Variants in GALNT11 observed in about 807,000 individuals in gnomAD.
GALNT11 encodes polypeptide N-acetylgalactosaminyltransferase 11, also known as UDP-GalNAc:polypeptide N-acetylgalactosaminyltransferase 11.
A neutral mutation model predicts 72.7 loss-of-function variants in GALNT11; 47 were observed. The ratio of observed to expected loss-of-function variants is 0.65; its 90% confidence interval spans 0.51 to 0.82. The LOEUF (loss-of-function observed/expected upper bound fraction) is 0.82, where lower values mean the gene tolerates loss of function less well. Among genes scored for constraint, GALNT11 ranks in the 40% least tolerant of loss-of-function variants. GALNT11 has a pLI of 0.00. For synonymous variants in GALNT11, 270 were observed against 286.6 expected, an observed-to-expected ratio of 0.94 and a Z score of 0.58; for missense variants, 677 against 778.4, an observed-to-expected ratio of 0.87 and a Z score of 1.55.
At chr7:152,044,677 T>G (rs1196036050) in intron 1 of GALNT11, among the ~76,000 whole-genome samples, 1 of 152,198 alleles carries the variant, frequency 6.6e-6, no homozygotes, top group Non-Finnish European at 1.5e-5. Flanking sequence ...TCAGTTCTAA[T>G]AGTTTTTTGG....
intron 1 of GALNT11, among the ~76,000 whole-genome samples, chr7:152,052,226 AT>A (rs1358875144): frequency 1.3e-5 from 2 of 152,096 alleles, no homozygotes; most frequent in Non-Finnish European, 2.9e-5. Context: ...CATTGTGTGT[AT>A]ATATCACAGT....
At chr7:152,090,569 T>C (rs1316927641) in intron 1 of GALNT11, among the ~76,000 whole-genome samples, 1 of 152,358 alleles carries the variant, frequency 6.6e-6, no homozygotes, top group East Asian at 1.9e-4. Flanking sequence ...GTTTTTAGTG[T>C]ACTTGTCTTG....
intron 1 of GALNT11, among the ~76,000 whole-genome samples, chr7:152,074,774 G>A (rs964868090): frequency 1.3e-5 from 2 of 152,138 alleles, no homozygotes; most frequent in African/African-American, 2.4e-5. Flanking sequence ...TTTCTCTAGC[G>A]TTAGAGCTCT....
At position 152,117,205 on chromosome 7, in the gene GALNT11, AAT is replaced by A; in HGVS notation, c.1285_1286del (p.Ile429GlnfsTer2). 1 of 1,614,126 alleles carries A rather than the reference AAT, an allele frequency of 6.2e-7. No homozygotes were observed. Among genetic ancestry groups the A allele is most frequent in the Non-Finnish European group, 8.5e-7 (1 of 1,180,018 alleles). ...RPDLKTKSYG[N>X]ISERVELRKK... ...TGACCTGAAGACGAAAAGCTATGGCAATATCAGTGAGCGTGTGGAACTGAGAA... is the reference window on the plus strand; with the variant it reads ...TGACCTGAAGACGAAAAGCTATGGCAATCAGTGAGCGTGTGGAACTGAGAA... On this transcript the variant is annotated frameshift_variant, in exon 9 of 12. Coordinates refer to ENST00000430044, the MANE Select transcript of GALNT11 (RefSeq NM_022087.4). LOFTEE classifies it high-confidence loss of function.
At chr7:152,099,259 T>C (rs547600672) in intron 2 of GALNT11, among the ~76,000 whole-genome samples, 1 of 152,200 alleles carries the variant, frequency 6.6e-6, no homozygotes, top group East Asian at 1.9e-4. Flanking sequence ...CTGCATTCTA[T>C]ATCTCAACCC....
chr7:152,043,761 A>G (rs1217253495), intron 1 of GALNT11, among the ~76,000 whole-genome samples: 1 of 152,100 alleles, frequency 6.6e-6, no homozygotes, highest in East Asian at 1.9e-4. Context: ...AAGGGTAGGG[A>G]TGAACCTCTC....
In GALNT11 at chr7:152,058,032, G is replaced by A. The variant is rs116741498; in HGVS notation, c.-39+32148G>A. On this transcript the variant is annotated intron_variant, in intron 1 of 11. Coordinates refer to ENST00000430044, the MANE Select transcript of GALNT11 (RefSeq NM_022087.4). ...CATATGCTGGTGATACTGTGGGTTC[G>A]GTTCTGAGCCACTGCAATAAAGGGA... Among the ~76,000 whole-genome samples, 1,061 of 152,112 alleles carry A rather than the reference G, an allele frequency of 7.0e-3. 10 individuals carry two copies. Among genetic ancestry groups the A allele is most frequent in the African/African-American group, 0.024 (1,011 of 41,500 alleles).
Position 152,121,895 on chromosome 7 carries a change from G to T in GALNT11, c.*218G>T. ...CACGGGTGAAGAAGTGAGTGTCCAC[G>T]GGTGAAGAAGTGAGTATGTTTCACC... is the stretch of plus-strand genomic sequence containing the variant. On this transcript the variant is annotated 3_prime_UTR_variant, in exon 12 of 12. Coordinates refer to ENST00000430044, the MANE Select transcript of GALNT11 (RefSeq NM_022087.4). 1 of 488,272 alleles carries T rather than the reference G, an allele frequency of 2.0e-6. No individual in the cohort carries two copies. Among genetic ancestry groups the T allele is most frequent in the Non-Finnish European group, 3.6e-6 (1 of 279,140 alleles). 30.2% of individuals were successfully genotyped at this position (488,272 alleles called of 1,614,324 possible).
chr7:152,101,252 G>T (rs527986062), intron 3 of GALNT11, among the ~76,000 whole-genome samples: 2 of 148,240 alleles, frequency 1.3e-5, no homozygotes, highest in East Asian at 2.0e-4. Flanking sequence ...CATCAGTGAA[G>T]AATTTTACTC....
chr7:152,118,778 A>G lies in GALNT11; in HGVS notation c.1553A>G (p.Asn518Ser). 6.2e-7 allele frequency: 1 copy of G among 1,602,602 alleles called. No individual in the cohort carries two copies. Among genetic ancestry groups the G allele is most frequent in the Non-Finnish European group, 8.5e-7 (1 of 1,176,826 alleles). The change falls in exon 10 of 12, where the codon AAT becomes AGT. Residue 518 changes from asparagine to serine, a missense_variant. Coordinates refer to ENST00000430044, the MANE Select transcript of GALNT11 (RefSeq NM_022087.4). ...VLKACDYSDP[N>S]QIWIYNEEHE... ...AAGGCCTGTGACTACAGTGACCCAA[A>G]TCAGGTGAGTGACACCTCGGGGCTC...
At chr7:152,052,861 A>G (rs184781700) in intron 1 of GALNT11, among the ~76,000 whole-genome samples, 107 of 152,310 alleles carry the variant, frequency 7.0e-4, no homozygotes, top group Non-Finnish European at 1.8e-4. Context: ...CTCAAATGTG[A>G]CATGTCTAAA....
chr7:152,058,590 C>A (rs576168454), intron 1 of GALNT11, among the ~76,000 whole-genome samples: 1 of 152,166 alleles, frequency 6.6e-6, no homozygotes, highest in East Asian at 1.9e-4. Context: ...CCTGTCTCGG[C>A]CTCCCAAACT....
chr7:152,093,574 G>A (rs977880076), intron 1 of GALNT11, among the ~76,000 whole-genome samples: 4 of 151,640 alleles, frequency 2.6e-5, no homozygotes, highest in South Asian at 2.1e-4. Flanking sequence ...TATTATAGGC[G>A]CCCACCACAA....
intron 5 of GALNT11, chr7:152,107,399 AGAAAG>A (rs2087688749): frequency 6.6e-6 from 1 of 152,142 alleles, no homozygotes; most frequent in Non-Finnish European, 1.5e-5. Flanking sequence ...GGGGGGCAGT[AGAAAG>A]GAAAGGTGGG....
At chr7:152,081,008 T>C (rs1274585920) in intron 1 of GALNT11, among the ~76,000 whole-genome samples, 1 of 152,078 alleles carries the variant, frequency 6.6e-6, no homozygotes, top group Admixed American at 6.5e-5. Flanking sequence ...ACCCCATTAA[T>C]TGCCAGCACC....
intron 7 of GALNT11, among the ~76,000 whole-genome samples, chr7:152,112,719 A>T (rs1316702502): frequency 1.3e-5 from 2 of 152,116 alleles, no homozygotes; most frequent in Non-Finnish European, 2.9e-5. Flanking sequence ...AGTAATTCAG[A>T]TAGTCAAGGA....
At chr7:152,101,642 TGG>T (rs35797393) in intron 3 of GALNT11, among the ~76,000 whole-genome samples, 63 of 93,224 alleles carry the variant, frequency 6.8e-4, no homozygotes, top group East Asian at 3.2e-3. Flanking sequence ...GGCTTTTTTT[TGG>T]GGGGGGGGGG....
At chr7:152,090,671 A>G (rs1004803524) in intron 1 of GALNT11, among the ~76,000 whole-genome samples, 2 of 18,146 alleles carry the variant, frequency 1.1e-4, no homozygotes, top group African/African-American at 1.8e-4. Context: ...CCCACCCTGC[A>G]TAGCTCTTCC....
At chr7:152,031,249 TGTTGGTATATAGATTAA>T (rs1474823103) in intron 1 of GALNT11, among the ~76,000 whole-genome samples, 10 of 152,200 alleles carry the variant, frequency 6.6e-5, no homozygotes, top group African/African-American at 2.2e-4. Flanking sequence ...AATGAACTTC[TGTTGGTATATAGATTAA>T]GGTCAGGATT....
Sources: gnomAD v4.1 joint callset for allele counts (sites outside exome capture counted in the v4.1 genomes callset) on GRCh38, gnomAD v4.1.1 for gene constraint, MANE v1.5 for transcripts, NCBI Gene and HGNC (gene_info 2026-07-23, HGNC 2026-07-21) for gene names.